Variants in ZNF557 observed in about 807,000 individuals in gnomAD.
The protein encoded by ZNF557 is zinc finger protein 557.
In ZNF557, 19 loss-of-function variants were observed where a neutral mutation model predicts 21.2. The observed-to-expected ratio is 0.90, with a 90% CI of 0.63 to 1.32. The LOEUF is 1.32. Ranked by LOEUF, ZNF557 falls within the 40% of genes most tolerant of loss-of-function variation. The pLI is 0.00. For synonymous variants in ZNF557, 207 were observed against 194.8 expected (o/e 1.06, Z -0.52); for missense variants, 487 against 519.8 (o/e 0.94, Z 0.61).
In ZNF557 at chr19:7,083,249, T is replaced by C. The variant is rs772269522; in HGVS notation, c.798T>C (p.Cys266=). ...ACACTGGAGAAAAACCGTACAAATG[T>C]AACCAGTGTTTTCGTGAGTTCCGCA... ...RIHTGEKPYK[C]NQCFREFRTQ... Residue 266 remains cysteine, a synonymous_variant, in exon 8 of 8, where the codon TGT becomes TGC. Coordinates refer to ENST00000252840, the MANE Select transcript of ZNF557 (RefSeq NM_024341.3). The C allele has an allele frequency of 7.4e-6, 12 of 1,614,202 alleles. No individual in the cohort carries two copies. The highest frequency in any genetic ancestry group is 1.0e-5 in the Non-Finnish European group (12 of 1,180,032).
chr19:7,083,643 C>A lies in ZNF557; in HGVS notation c.1192C>A (p.His398Asn), dbSNP rs1202963629. ...ATCCGTTAAGAAACACATGAGAACT[C>A]ACACTGGAAAAAAACCCTATGAATG... ...LSSVKKHMRT[H>N]TGKKPYECNY... Residue 398 changes from histidine to asparagine, a missense_variant, in exon 8 of 8, where the codon CAC becomes AAC. By Grantham distance (68) the His-to-Asn change is moderately conservative (BLOSUM62 1). Transcript: ENST00000252840. 1.9e-6 allele frequency: 3 copies of A among 1,613,974 alleles called. No individual in the cohort carries two copies. Among genetic ancestry groups the A allele is most frequent in the Non-Finnish European group, 2.5e-6 (3 of 1,179,924 alleles).
In ZNF557 at chr19:7,084,041, C is replaced by A; in HGVS notation, c.*297C>A. 3.1e-6 allele frequency: 1 copy of A among 318,468 alleles called. No homozygotes were observed. The highest frequency in any genetic ancestry group is 2.2e-5 in the African/African-American group (1 of 46,232). 19.7% of individuals were successfully genotyped at this position (318,468 alleles called of 1,614,324 possible). A position where few individuals can be genotyped will look rare whatever the true frequency, so the allele number is the denominator to read the frequency against. On this transcript the variant is annotated 3_prime_UTR_variant, in exon 8 of 8. Coordinates refer to ENST00000252840, the MANE Select transcript of ZNF557 (RefSeq NM_024341.3). Reference sequence around the variant, plus strand: ...ACCACTTCCAAATGGCTTACAAGCCCGACAAGTGCATGCTAGCTGTTTCCA... The same window carrying A: ...ACCACTTCCAAATGGCTTACAAGCCAGACAAGTGCATGCTAGCTGTTTCCA...
intron 3 of ZNF557, 138 bp from the exon 4 acceptor site, chr19:7,075,517 G>A (rs940420917): frequency 1.0e-4 from 81 of 807,178 alleles, no homozygotes; most frequent in Admixed American, 7.6e-4. Context: ...GTGTTTGCTT[G>A]GAGTAGAGGT....
chr19:7,082,078 GT>G, intron 7 of ZNF557, 26 bp downstream of exon 7: 5 of 1,583,176 alleles, frequency 3.2e-6, no homozygotes, highest in Admixed American at 1.7e-5. Flanking sequence ...GTGATTCCTG[GT>G]TTTTTTCATG....
At chr19:7,079,522 G>T (rs1382758321) in intron 5 of ZNF557, among the ~76,000 whole-genome samples, 2 of 152,070 alleles carry the variant, frequency 1.3e-5, no homozygotes, top group Non-Finnish European at 2.9e-5. Context: ...TTACAGCCAT[G>T]AGCCACCGCG....
At position 7,083,735 on chromosome 19, in the gene ZNF557, G is replaced by A. The variant is rs748873070; in HGVS notation, c.1284G>A (p.Arg428=). The change falls in exon 8 of 8, where the codon AGG becomes AGA. Residue 428 remains arginine, a synonymous_variant. Transcript: ENST00000252840. The part of the protein sequence containing the change: ...YLSVHTRMHN[R]QM Reference sequence around the variant, plus strand: ...CTGTGCATACGAGAATGCATAATAGGCAAATGTGAATTCAATAACTGTGGG... The same window carrying A: ...CTGTGCATACGAGAATGCATAATAGACAAATGTGAATTCAATAACTGTGGG... The A allele has an allele frequency of 6.3e-7, 1 of 1,599,252 alleles. No homozygotes were observed. Among genetic ancestry groups the A allele is most frequent in the Non-Finnish European group, 8.5e-7 (1 of 1,171,814 alleles).
intron 5 of ZNF557, among the ~76,000 whole-genome samples, chr19:7,078,340 G>A (rs1356035860): frequency 2.6e-5 from 4 of 151,758 alleles, no homozygotes; most frequent in Non-Finnish European, 4.4e-5. Flanking sequence ...GTTTTTAAGT[G>A]TATCCTATTG....
chr19:7,081,566 GC>G, intron 6 of ZNF557, 111 bp downstream of exon 6: 1 of 756,270 alleles, frequency 1.3e-6, no homozygotes, highest in South Asian at 1.8e-5. Flanking sequence ...CTGTGTAAAT[GC>G]CCCTTTTCCC....
At chr19:7,073,552 T>G (rs1977508831) in intron 2 of ZNF557, among the ~76,000 whole-genome samples, 2 of 152,162 alleles carry the variant, frequency 1.3e-5, no homozygotes, top group Non-Finnish European at 2.9e-5. Flanking sequence ...ATGTGAATTT[T>G]GGGGGTTCTG....
chr19:7,076,904 C>T (rs1248727351), intron 5 of ZNF557, among the ~76,000 whole-genome samples: 6 of 151,496 alleles, frequency 4.0e-5, no homozygotes, highest in South Asian at 2.1e-4. Context: ...CGGACCACCA[C>T]GCCCAGCTAA....
chr19:7,075,154 C>T (rs1359603748), intron 3 of ZNF557, 49 bp downstream of exon 3: 1 of 1,613,282 alleles, frequency 6.2e-7, no homozygotes, highest in East Asian at 2.2e-5. Context: ...TTGAAAGGTC[C>T]TGACCCACAG....
intron 4 of ZNF557, among the ~76,000 whole-genome samples, chr19:7,076,138 G>A (rs959034044): frequency 2.0e-5 from 3 of 152,200 alleles, no homozygotes; most frequent in African/African-American, 7.2e-5. Flanking sequence ...CAGTTTGAGT[G>A]AGAAAAGACA....
At chr19:7,073,408 G>A (rs190491380) in intron 2 of ZNF557, among the ~76,000 whole-genome samples, 246 of 152,082 alleles carry the variant, frequency 1.6e-3, no homozygotes, top group African/African-American at 5.0e-3. Context: ...CGCCCACCTC[G>A]GCCTCCCAAA....
In ZNF557 at chr19:7,083,527, A is replaced by G. The variant is rs1599845335; in HGVS notation, c.1076A>G (p.Asn359Ser). ...AATGAGTGTGGGAAATCCTTTACCA[A>G]TAGCTTTTCTCTTACAATTCACAGG... ...TCNECGKSFT[N>S]SFSLTIHRRI... The change falls in exon 8 of 8, where the codon AAT (asparagine) becomes AGT (serine). Residue 359 changes from asparagine to serine, a missense_variant. Asn to Ser is a conservative substitution (Grantham distance 46, BLOSUM62 1). Transcript: ENST00000252840. 6.2e-7 allele frequency: 1 copy of G among 1,614,204 alleles called. No homozygotes were observed. The highest frequency in any genetic ancestry group is 8.5e-7 in the Non-Finnish European group (1 of 1,180,036).
intron 5 of ZNF557, among the ~76,000 whole-genome samples, chr19:7,080,119 T>A (rs1178452804): frequency 6.6e-6 from 1 of 152,048 alleles, no homozygotes; most frequent in Non-Finnish European, 1.5e-5. Flanking sequence ...CTGGCCAAGA[T>A]GGTGAAACCA....
intron 2 of ZNF557, among the ~76,000 whole-genome samples, chr19:7,070,967 T>C (rs1003786286): frequency 5.9e-5 from 9 of 152,232 alleles, no homozygotes; most frequent in African/African-American, 2.2e-4. Context: ...GGTGTTGCCA[T>C]GTTGGCCAGG....
intron 5 of ZNF557, among the ~76,000 whole-genome samples, chr19:7,081,150 GGT>G (rs531191945): frequency 0.027 from 3,734 of 139,072 alleles, 62 homozygotes; most frequent in African/African-American, 0.054. Context: ...TTGCTTGTGG[GGT>G]GTGTGTGTGT....
Position 7,083,201 on chromosome 19 carries a change from C to T in ZNF557, c.750C>T (p.Tyr250=), listed in dbSNP as rs1187416636. The part of the protein sequence containing the change: ...DCGKTFSNSS[Y]LRPHLRIHTG... ...GGAAAACCTTCAGCAATTCCTCATA[C>T]CTCAGACCGCACTTGAGAATTCACA... Residue 250 remains tyrosine, a synonymous_variant, in exon 8 of 8, where the codon TAC becomes TAT. Transcript: ENST00000252840. 1.2e-6 allele frequency: 2 copies of T among 1,614,066 alleles called. No homozygotes were observed. The highest frequency in any genetic ancestry group is 1.7e-6 in the Non-Finnish European group (2 of 1,180,040).
Position 7,087,155 on chromosome 19 carries a change from CT to C in ZNF557, c.*3415del, listed in dbSNP as rs1260585804. On this transcript the variant is annotated 3_prime_UTR_variant, in exon 8 of 8. Coordinates refer to ENST00000252840, the MANE Select transcript of ZNF557 (RefSeq NM_024341.3). ...CGTCTGGCTTATTCTCATCTATTTT[CT>C]TTTCATTCTTTTGGAAAGTGGACAC... 3.5e-4 allele frequency: 15 copies of C among 43,216 alleles called. No homozygotes were observed. In the East Asian group the frequency reaches 0.019, roughly 55 times the overall value. 2.7% of individuals were successfully genotyped at this position (43,216 alleles called of 1,614,324 possible).
Sources: gnomAD v4.1 joint callset for allele counts (sites outside exome capture counted in the v4.1 genomes callset) on GRCh38, gnomAD v4.1.1 for gene constraint, MANE v1.5 for transcripts, NCBI Gene and HGNC (gene_info 2026-07-23, HGNC 2026-07-21) for gene names.